The following RPRD1A variants were observed in gnomAD, a reference collection of about 807,000 sequenced individuals.
RPRD1A encodes regulation of nuclear pre-mRNA domain containing 1A, also known as regulation of nuclear pre-mRNA domain-containing protein 1A.
A neutral mutation model predicts 37.8 loss-of-function variants in RPRD1A; 9 were observed. The observed-to-expected ratio is 0.24, with a 90% CI of 0.14 to 0.42. The LOEUF (loss-of-function observed/expected upper bound fraction) is 0.42, where lower values mean the gene tolerates loss of function less well. RPRD1A is among the 10% of genes least tolerant of loss of function. The probability of loss-of-function intolerance (pLI) is 1.00; values close to 1 mark genes in which losing one functional copy is unlikely to be tolerated. For missense variants in RPRD1A, 255 were observed against 371.0 expected, an observed-to-expected ratio of 0.69 and a Z score of 2.57; for synonymous variants, 138 against 139.7, an observed-to-expected ratio of 0.99 and a Z score of 0.08.
At chr18:35,994,080 A>C (rs1247215633) in intron 6 of RPRD1A, among the ~76,000 whole-genome samples, 1 of 152,164 alleles carries the variant, frequency 6.6e-6, no homozygotes, top group Non-Finnish European at 1.5e-5. Context: ...CAGCACCCAC[A>C]ACAGGGTATC....
chr18:36,063,124 C>G (rs933424838), intron 1 of RPRD1A: 9 of 152,166 alleles, frequency 5.9e-5, no homozygotes, highest in Non-Finnish European at 1.2e-4. Context: ...GGGAAACCTT[C>G]ATAACTGAAT....
intron 6 of RPRD1A, among the ~76,000 whole-genome samples, chr18:36,023,001 G>A (rs1355281605): frequency 6.6e-6 from 1 of 152,196 alleles, no homozygotes; most frequent in African/African-American, 2.4e-5. Flanking sequence ...CAACATACCT[G>A]GTCACCCAAG....
At chr18:36,052,115 C>A (rs976358069) in intron 1 of RPRD1A, among the ~76,000 whole-genome samples, 2 of 148,672 alleles carry the variant, frequency 1.3e-5, no homozygotes, top group African/African-American at 5.0e-5. Context: ...TCAGAAACCA[C>A]GAGACCAGAA....
chr18:36,027,575 T>C (rs1280882659), intron 4 of RPRD1A: 2 of 309,232 alleles, frequency 6.5e-6, no homozygotes, highest in Non-Finnish European at 1.2e-5. Flanking sequence ...TAATAATTAT[T>C]TGAGTACTAA....
chr18:36,009,006 G>C (rs1647298835), intron 6 of RPRD1A, among the ~76,000 whole-genome samples: 1 of 152,030 alleles, frequency 6.6e-6, no homozygotes, highest in African/African-American at 2.4e-5. Context: ...AGTAGGGAGA[G>C]GAAACTCTAG....
At chr18:36,018,368 G>A (rs1910750973) in intron 6 of RPRD1A, among the ~76,000 whole-genome samples, 1 of 151,688 alleles carries the variant, frequency 6.6e-6, no homozygotes, top group Admixed American at 6.6e-5. Context: ...CTGCCTCCTG[G>A]GTTCACGCCA....
intron 6 of RPRD1A, chr18:36,026,140 A>G (rs954104667): frequency 1.3e-5 from 2 of 152,794 alleles, no homozygotes; most frequent in Admixed American, 6.5e-5. Context: ...GGGTAGTACC[A>G]TGACATTCCT....
chr18:36,033,966 A>G, intron 1 of RPRD1A, 129 bp from the exon 2 acceptor site: 2 of 690,366 alleles, frequency 2.9e-6, no homozygotes, highest in Non-Finnish European at 2.2e-6. Context: ...TTTCAACCCT[A>G]GTCTCTCATT....
chr18:36,047,213 A>G (rs918894288), intron 1 of RPRD1A, among the ~76,000 whole-genome samples: 2 of 148,316 alleles, frequency 1.3e-5, no homozygotes, highest in Non-Finnish European at 3.0e-5. Context: ...GTCTCGAAAT[A>G]AATAAATAAA....
intron 1 of RPRD1A, among the ~76,000 whole-genome samples, chr18:36,041,259 T>C (rs1051103478): frequency 2.3e-4 from 35 of 152,208 alleles, no homozygotes; most frequent in African/African-American, 8.2e-4. Flanking sequence ...GAGTTAATTA[T>C]GTAGCACTTC....
chr18:36,042,551 T>C (rs1912653726), intron 1 of RPRD1A, among the ~76,000 whole-genome samples: 2 of 152,238 alleles, frequency 1.3e-5, no homozygotes, highest in Non-Finnish European at 2.9e-5. Context: ...ATTCAGATTA[T>C]GAAAGACAAA....
chr18:36,064,902 C>T (rs2088995566), intron 1 of RPRD1A, among the ~76,000 whole-genome samples: 1 of 151,278 alleles, frequency 6.6e-6, no homozygotes, highest in Admixed American at 6.6e-5. Context: ...AGCGAGACCA[C>T]GAATCCACCG....
intron 6 of RPRD1A, among the ~76,000 whole-genome samples, chr18:36,016,049 T>G (rs1377692786): frequency 6.6e-6 from 1 of 152,186 alleles, no homozygotes; most frequent in Admixed American, 6.5e-5. Context: ...TTTCAATCAC[T>G]ACATACATTT....
At chr18:36,059,136 T>A (rs1039084144) in intron 1 of RPRD1A, among the ~76,000 whole-genome samples, 1 of 152,184 alleles carries the variant, frequency 6.6e-6, no homozygotes, top group African/African-American at 2.4e-5. Context: ...AATTACAATG[T>A]GTCCATTTGT....
chr18:36,000,310 C>A (rs1275588846), intron 6 of RPRD1A, among the ~76,000 whole-genome samples: 1 of 152,176 alleles, frequency 6.6e-6, no homozygotes, highest in African/African-American at 2.4e-5. Context: ...TCCTATACAT[C>A]TCAGATGGAG....
chr18:36,022,611 T>C (rs780722802), intron 6 of RPRD1A, among the ~76,000 whole-genome samples: 11 of 152,228 alleles, frequency 7.2e-5, no homozygotes, highest in Non-Finnish European at 4.4e-5. Context: ...TAGATGACAA[T>C]ACATCTATTT....
intron 1 of RPRD1A, among the ~76,000 whole-genome samples, chr18:36,065,112 C>T (rs1161410702): frequency 1.3e-5 from 2 of 152,096 alleles, no homozygotes; most frequent in Admixed American, 6.5e-5. Flanking sequence ...ACTATAACAC[C>T]GCGAGGGTCC....
chr18:36,027,480 T>G, intron 4 of RPRD1A, 170 bp from the exon 5 acceptor site: 3 of 651,654 alleles, frequency 4.6e-6, no homozygotes, highest in Non-Finnish European at 7.7e-6. Context: ...AAAAGGAGGC[T>G]ATACTATGTT....
At chr18:36,014,684 A>G (rs1910391683) in intron 6 of RPRD1A, among the ~76,000 whole-genome samples, 1 of 152,234 alleles carries the variant, frequency 6.6e-6, no homozygotes, top group Admixed American at 6.5e-5. Context: ...CAGAGCTTGC[A>G]GTGAGCCGAG....
Sources: gnomAD v4.1 joint callset for allele counts (sites outside exome capture counted in the v4.1 genomes callset) on GRCh38, gnomAD v4.1.1 for gene constraint, MANE v1.5 for transcripts, NCBI Gene and HGNC (gene_info 2026-07-23, HGNC 2026-07-21) for gene names.